ATRNL1: variants seen among roughly 807,000 people sequenced by gnomAD.
The protein encoded by ATRNL1 is attractin-like protein 1.
Under a neutral mutation model 182.7 loss-of-function variants are expected in ATRNL1, and 95 were observed. That is an observed-to-expected ratio of 0.52 (90% CI 0.44 to 0.62). The LOEUF (loss-of-function observed/expected upper bound fraction) is 0.62. ATRNL1 is among the 20% of genes least tolerant of loss of function. The probability of loss-of-function intolerance (pLI) is 0.00; values close to 1 mark genes in which losing one functional copy is unlikely to be tolerated. For missense variants in ATRNL1, 1,471 were observed against 1,679.5 expected, an observed-to-expected ratio of 0.88 and a Z score of 2.17; for synonymous variants, 576 against 568.3, an observed-to-expected ratio of 1.01 and a Z score of -0.19.
chr10:115,723,265 C>T (rs1947487716), intron 26 of ATRNL1, among the ~76,000 whole-genome samples: 1 of 152,046 alleles, frequency 6.6e-6, no homozygotes, highest in Non-Finnish European at 1.5e-5. Context: ...GCAAAAGAGT[C>T]ATGTAGTAGG....
At chr10:115,480,790 G>A (rs906708240) in intron 24 of ATRNL1, among the ~76,000 whole-genome samples, 21 of 150,982 alleles carry the variant, frequency 1.4e-4, no homozygotes, top group Non-Finnish European at 3.0e-4. Flanking sequence ...AATATTTACT[G>A]TCTGGTTCTT....
intron 26 of ATRNL1, among the ~76,000 whole-genome samples, chr10:115,680,315 A>G (rs1436404514): frequency 3.3e-5 from 5 of 152,144 alleles, no homozygotes; most frequent in African/African-American, 1.2e-4. Flanking sequence ...CTAGGCTAAC[A>G]GAAGAGCCAC....
chr10:115,426,596 G>T (rs1592640888), intron 21 of ATRNL1, among the ~76,000 whole-genome samples: 1 of 152,136 alleles, frequency 6.6e-6, no homozygotes, highest in South Asian at 2.1e-4. Flanking sequence ...CATTATGATG[G>T]ATTTTTGAAG....
At chr10:115,424,499 C>G (rs1845792273) in intron 20 of ATRNL1, among the ~76,000 whole-genome samples, 1 of 152,110 alleles carries the variant, frequency 6.6e-6, no homozygotes. Flanking sequence ...TATTGCAGCA[C>G]TATGTACAGT....
chr10:115,214,992 C>G, intron 8 of ATRNL1, among the ~76,000 whole-genome samples: 1 of 152,178 alleles, frequency 6.6e-6, no homozygotes, highest in East Asian at 1.9e-4. Flanking sequence ...AGCAACTAAA[C>G]ATACCAGTTT....
At chr10:115,389,811 C>T (rs534161929) in intron 19 of ATRNL1, among the ~76,000 whole-genome samples, 5 of 151,776 alleles carry the variant, frequency 3.3e-5, no homozygotes, top group African/African-American at 1.2e-4. Flanking sequence ...TAAATTTTCA[C>T]CAACAGTACA....
intron 2 of ATRNL1, 115 bp from the exon 3 acceptor site, chr10:115,121,584 C>A: frequency 2.5e-6 from 1 of 396,544 alleles, no homozygotes; most frequent in Non-Finnish European, 4.4e-6. Context: ...AATAAAATAC[C>A]CTATCTAAAG....
At chr10:115,261,403 A>G (rs879969437) in intron 10 of ATRNL1, among the ~76,000 whole-genome samples, 1 of 152,170 alleles carries the variant, frequency 6.6e-6, no homozygotes, top group Non-Finnish European at 1.5e-5. Context: ...AATATATAAC[A>G]GGGGAGAAAT....
At chr10:115,681,690 A>G (rs1304889111) in intron 26 of ATRNL1, among the ~76,000 whole-genome samples, 1 of 152,158 alleles carries the variant, frequency 6.6e-6, no homozygotes, top group Non-Finnish European at 1.5e-5. Flanking sequence ...TCTTCAAGCT[A>G]CATAGATCTT....
chr10:115,800,755 T>C (rs1949773140), intron 27 of ATRNL1, among the ~76,000 whole-genome samples: 1 of 152,184 alleles, frequency 6.6e-6, no homozygotes, highest in African/African-American at 2.4e-5. Context: ...TCTCTCTCTC[T>C]TTCTGTCATG....
intron 26 of ATRNL1, among the ~76,000 whole-genome samples, chr10:115,595,711 C>T (rs1565198776): frequency 6.6e-6 from 1 of 152,016 alleles, no homozygotes; most frequent in East Asian, 1.9e-4. Context: ...ATGGCAGTTG[C>T]TCAGTTTTTT....
At chr10:115,841,954 T>C (rs764062850) in intron 27 of ATRNL1, among the ~76,000 whole-genome samples, 1 of 152,064 alleles carries the variant, frequency 6.6e-6, no homozygotes, top group Non-Finnish European at 1.5e-5. Flanking sequence ...AAAAACTAAA[T>C]TTCATATCAA....
chr10:115,197,303 A>G (rs576013159), intron 8 of ATRNL1, among the ~76,000 whole-genome samples: 19 of 152,200 alleles, frequency 1.2e-4, no homozygotes, highest in South Asian at 2.1e-4. Flanking sequence ...TTCTATGTCT[A>G]TATTCATAAG....
chr10:115,585,385 A>T (rs1489938250), intron 26 of ATRNL1, among the ~76,000 whole-genome samples: 5 of 115,288 alleles, frequency 4.3e-5, no homozygotes, highest in East Asian at 2.1e-4. Context: ...TGGGAGTCTA[A>T]GTCTCTTTGT....
At chr10:115,521,949 ATTGCTG>A (rs1416733014) in intron 25 of ATRNL1, among the ~76,000 whole-genome samples, 2 of 152,150 alleles carry the variant, frequency 1.3e-5, no homozygotes. Context: ...TTTTACTGTT[ATTGCTG>A]TTATTTTGGT....
intron 20 of ATRNL1, among the ~76,000 whole-genome samples, chr10:115,424,976 C>G (rs1335492363): frequency 1.3e-5 from 2 of 152,068 alleles, no homozygotes; most frequent in Non-Finnish European, 2.9e-5. Flanking sequence ...ACCTAACACC[C>G]AAAGTTCCTT....
chr10:115,263,686 G>C (rs1483265226), intron 10 of ATRNL1, among the ~76,000 whole-genome samples: 1 of 151,622 alleles, frequency 6.6e-6, no homozygotes, highest in African/African-American at 2.4e-5. Flanking sequence ...AATTTCTTTT[G>C]CACCAACCTA....
intron 24 of ATRNL1, among the ~76,000 whole-genome samples, chr10:115,488,368 G>A (rs773707650): frequency 4.6e-5 from 7 of 152,048 alleles, no homozygotes; most frequent in Non-Finnish European, 1.0e-4. Flanking sequence ...TTTTTGGTTG[G>A]TACGCTATTA....
At chr10:115,176,600 T>C (rs1847518612) in intron 8 of ATRNL1, among the ~76,000 whole-genome samples, 1 of 152,026 alleles carries the variant, frequency 6.6e-6, no homozygotes, top group Admixed American at 6.6e-5. Context: ...CCAAGGGTGA[T>C]TCCAAAATTT....
Sources: gnomAD v4.1 joint callset for allele counts (sites outside exome capture counted in the v4.1 genomes callset) on GRCh38, gnomAD v4.1.1 for gene constraint, MANE v1.5 for transcripts, NCBI Gene and HGNC (gene_info 2026-07-23, HGNC 2026-07-21) for gene names.